Variants in SRGAP3 observed in about 807,000 individuals in gnomAD.
SRGAP3 encodes the protein SLIT-ROBO Rho GTPase-activating protein 3.
SRGAP3 carries 39 observed loss-of-function variants against 121.1 expected under a neutral mutation model. The ratio of observed to expected loss-of-function variants is 0.32; its 90% CI spans 0.25 to 0.42. The LOEUF (loss-of-function observed/expected upper bound fraction) is 0.42, where lower values mean the gene tolerates loss of function less well. SRGAP3 is among the 10% of genes least tolerant of loss of function. SRGAP3 has a pLI of 1.00. For synonymous variants in SRGAP3, 601 were observed against 570.0 expected (o/e 1.05, Z -0.77); for missense variants, 1,213 against 1,470.6 (o/e 0.82, Z 2.86).
intron 4 of SRGAP3, among the ~76,000 whole-genome samples, chr3:9,075,390 T>TGTGTGTGTGC (rs1454621766): frequency 1.3e-5 from 2 of 148,486 alleles, no homozygotes; most frequent in African/African-American, 5.2e-5. Context: ...TGTGTGTGTG[T>TGTGTGTGTGC]GCGCGCGCAC....
intron 1 of SRGAP3, among the ~76,000 whole-genome samples, chr3:9,188,253 T>C (rs905437564): frequency 2.0e-5 from 3 of 152,210 alleles, no homozygotes; most frequent in Admixed American, 1.3e-4. Context: ...TACAGAAATA[T>C]TAGTTCACCT....
intron 1 of SRGAP3, among the ~76,000 whole-genome samples, chr3:9,149,499 T>C (rs992501997): frequency 2.0e-5 from 3 of 152,198 alleles, no homozygotes; most frequent in African/African-American, 4.8e-5. Context: ...TCCCCACTCC[T>C]TGAAACAGAG....
intron 2 of SRGAP3, among the ~76,000 whole-genome samples, chr3:9,119,285 C>T (rs1035918491): frequency 6.6e-6 from 1 of 152,196 alleles, no homozygotes; most frequent in Non-Finnish European, 1.5e-5. Context: ...TGCTCTGTTC[C>T]CACCCAGGCC....
At chr3:9,229,500 G>A (rs1178624) in intron 1 of SRGAP3, among the ~76,000 whole-genome samples, 58,933 of 151,722 alleles carry the variant, frequency 0.39, 12,096 homozygotes, top group Admixed American at 0.48. Flanking sequence ...CGTTCTCCAC[G>A]TGGAGAACAG....
upstream of SRGAP3, among the ~76,000 whole-genome samples, chr3:9,251,072 T>A (rs767991847): frequency 6.6e-6 from 1 of 152,210 alleles, no homozygotes; most frequent in African/African-American, 2.4e-5. Flanking sequence ...AGGTTATCCA[T>A]GCTAGTCCAT....
chr3:9,195,906 T>C (rs559698679), intron 1 of SRGAP3, among the ~76,000 whole-genome samples: 5 of 152,218 alleles, frequency 3.3e-5, no homozygotes, highest in Admixed American at 2.0e-4. Flanking sequence ...CAGTGAGCCA[T>C]GATCACACCA....
chr3:9,141,495 T>C (rs1949844505), intron 1 of SRGAP3, among the ~76,000 whole-genome samples: 1 of 151,796 alleles, frequency 6.6e-6, no homozygotes, highest in Non-Finnish European at 1.5e-5. Context: ...ACTTTGCAAA[T>C]TCTTGCCAAT....
intron 7 of SRGAP3, among the ~76,000 whole-genome samples, chr3:9,057,334 G>A (rs1431985847): frequency 6.6e-6 from 1 of 152,206 alleles, no homozygotes; most frequent in Non-Finnish European, 1.5e-5. Flanking sequence ...GTAGCGCTCT[G>A]TGGACTGTAC....
intron 3 of SRGAP3, among the ~76,000 whole-genome samples, chr3:9,102,920 A>ACAG (rs1948274611): frequency 6.6e-6 from 1 of 152,210 alleles, no homozygotes; most frequent in African/African-American, 2.4e-5. Flanking sequence ...AAAAGATGTG[A>ACAG]CAGCAGCAGC....
chr3:8,991,424 CATGG>C lies in SRGAP3; in HGVS notation c.2559-589_2559-586del, dbSNP rs1942051277. Reference sequence around the variant, plus strand: ...ACTAGTCATTCAAGAGTAAACACTGCATGGCTGGACAGCCCTTTTGTGCATTTGG... The same window carrying C: ...ACTAGTCATTCAAGAGTAAACACTGCCTGGACAGCCCTTTTGTGCATTTGG... On this transcript the variant is annotated intron_variant, in intron 20 of 21. Transcript: ENST00000383836. Among the ~76,000 whole-genome samples the C allele has an allele frequency of 2.0e-5, 3 of 152,268 alleles. No homozygotes were observed. The South Asian group carries it at 6.2e-4, about 32-fold the overall frequency.
intron 1 of SRGAP3, among the ~76,000 whole-genome samples, chr3:9,155,349 T>C (rs1239670850): frequency 2.6e-5 from 4 of 152,232 alleles, no homozygotes; most frequent in Non-Finnish European, 4.4e-5. Flanking sequence ...GGTTTGCATT[T>C]TGAAGTTGCA....
chr3:9,298,184 A>G (rs1236609570), intron 3 of SRGAP3, among the ~76,000 whole-genome samples: 1 of 152,216 alleles, frequency 6.6e-6, no homozygotes, highest in Non-Finnish European at 1.5e-5. Flanking sequence ...AGGAATATAT[A>G]TATCTCGTGA....
At chr3:9,157,569 T>C (rs1950459509) in intron 1 of SRGAP3, among the ~76,000 whole-genome samples, 1 of 152,244 alleles carries the variant, frequency 6.6e-6, no homozygotes, top group African/African-American at 2.4e-5. Flanking sequence ...AACAGGATGC[T>C]GTTGTCCTTA....
Position 9,058,459 on chromosome 3 carries a change from C to T in SRGAP3, c.815G>A (p.Gly272Asp), listed in dbSNP as rs1432378381. The change falls in exon 7 of 22, where the codon GGC becomes GAC. Residue 272 changes from glycine (G) to aspartate (D), a missense_variant. This residue lies in a region of SRGAP3 where 793 missense variants were observed against 1,032.9 expected (regional missense o/e 0.77). Transcript: ENST00000383836. ...VSDLIDCCDLGFHASLARTFR... is the reference protein window; with the variant it reads ...VSDLIDCCDLDFHASLARTFR... ...GGTGCGGGCCAGGCTGGCATGGAAG[C>T]CCAAATCACAGCACTTGGGGAGAGG... The T allele has an allele frequency of 6.2e-7, 1 of 1,613,924 alleles. No homozygotes were observed. Among genetic ancestry groups the T allele is most frequent in the Non-Finnish European group, 8.5e-7 (1 of 1,180,044 alleles).
In SRGAP3 at chr3:9,249,192, A is replaced by G. The variant is rs1953929126; in HGVS notation, c.-241T>C. The G allele has an allele frequency of 6.9e-6, 4 of 579,888 alleles. No individual in the cohort carries two copies. In the Admixed American group the frequency reaches 9.0e-5, roughly 13 times the overall value. 35.9% of individuals were successfully genotyped at this position (579,888 alleles called of 1,614,324 possible). ...CCCTGGTCAGCTCCTCTTGCAAAAGAAGAATCACCCTAGGAGCACAGTAAC... is the reference window on the plus strand; with the variant it reads ...CCCTGGTCAGCTCCTCTTGCAAAAGGAGAATCACCCTAGGAGCACAGTAAC... On this transcript the variant is annotated 5_prime_UTR_variant, in exon 1 of 22. Transcript: ENST00000383836.
upstream of SRGAP3, among the ~76,000 whole-genome samples, chr3:9,251,041 T>C (rs189252212): frequency 1.4e-3 from 216 of 152,336 alleles, no homozygotes; most frequent in African/African-American, 4.8e-3. Context: ...TAAATGATTC[T>C]GTTTGGACTC....
intron 1 of SRGAP3, among the ~76,000 whole-genome samples, chr3:9,199,250 C>T (rs1427191202): frequency 6.6e-6 from 1 of 152,232 alleles, no homozygotes; most frequent in East Asian, 1.9e-4. Flanking sequence ...CTCACACGCG[C>T]TACCTCTCTG....
intron 1 of SRGAP3, among the ~76,000 whole-genome samples, chr3:9,167,364 T>C (rs1950826297): frequency 6.6e-6 from 1 of 152,172 alleles, no homozygotes; most frequent in African/African-American, 2.4e-5. Flanking sequence ...CCATTGCTAG[T>C]TCCCTTCTGT....
At chr3:9,327,835 A>C (rs1955544318) in intron 2 of SRGAP3, among the ~76,000 whole-genome samples, 1 of 152,218 alleles carries the variant, frequency 6.6e-6, no homozygotes, top group Non-Finnish European at 1.5e-5. Flanking sequence ...ACATGTTTAG[A>C]CTTTCTGACT....
Sources: allele counts gnomAD v4.1 joint callset (sites outside exome capture counted in the v4.1 genomes callset), GRCh38; gene constraint gnomAD v4.1.1; regional missense constraint gnomAD v4.1.1; transcripts MANE v1.5; gene names NCBI Gene and HGNC (gene_info 2026-07-23, HGNC 2026-07-21).